Variants in VPS37A observed in about 807,000 individuals in gnomAD.
The protein encoded by VPS37A is vacuolar protein sorting-associated protein 37A.
VPS37A carries 30 observed loss-of-function variants against 49.8 expected under a neutral mutation model. The ratio of observed to expected loss-of-function variants is 0.60; its 90% CI spans 0.45 to 0.82. The LOEUF (loss-of-function observed/expected upper bound fraction) is 0.82, where lower values mean the gene tolerates loss of function less well. Among genes scored for constraint, VPS37A ranks in the 40% least tolerant of loss-of-function variants. VPS37A has a pLI of 0.00. For synonymous variants in VPS37A, 195 were observed against 160.6 expected (o/e 1.21, Z -1.62); for missense variants, 593 against 464.4 (o/e 1.28, Z -2.55).
intron 1 of VPS37A, among the ~76,000 whole-genome samples, chr8:17,256,579 C>T (rs945286445): frequency 2.0e-5 from 3 of 151,570 alleles, no homozygotes; most frequent in Non-Finnish European, 4.4e-5. Flanking sequence ...AGTTTTCTCC[C>T]GTTTTTTGGG....
chr8:17,247,617 CAT>C (rs1811409968), intron 1 of VPS37A: 1 of 706,424 alleles, frequency 1.4e-6, no homozygotes. Flanking sequence ...CCTCCTGACA[CAT>C]AGCTGCTGAC....
chr8:17,311,880 A>C, the VPS37A span: 1 of 502,942 alleles, frequency 2.0e-6, no homozygotes, highest in Non-Finnish European at 3.6e-6. Context: ...CAATAAGCGC[A>C]TGTACTTACT....
intron 1 of VPS37A, among the ~76,000 whole-genome samples, chr8:17,257,103 G>A (rs1233451965): frequency 6.6e-6 from 1 of 152,144 alleles, no homozygotes; most frequent in Non-Finnish European, 1.5e-5. Flanking sequence ...TGATTTTTGT[G>A]TATGGTAAGA....
At chr8:17,293,081 G>A (rs532101795) in intron 11 of VPS37A, among the ~76,000 whole-genome samples, 67 of 152,152 alleles carry the variant, frequency 4.4e-4, no homozygotes, top group African/African-American at 1.6e-3. Flanking sequence ...TCACTTTCAG[G>A]TACACCAATC....
downstream of VPS37A, among the ~76,000 whole-genome samples, chr8:17,302,743 G>A (rs911814121): frequency 7.9e-5 from 9 of 113,720 alleles, no homozygotes; most frequent in African/African-American, 1.8e-4. Context: ...GCAGAGTTTC[G>A]CTCTTGTCAC....
chr8:17,263,118 A>G (rs1431013442), intron 1 of VPS37A, among the ~76,000 whole-genome samples: 1 of 152,098 alleles, frequency 6.6e-6, no homozygotes, highest in East Asian at 1.9e-4. Context: ...AGATAATCAC[A>G]ATTGAGTGAG....
At chr8:17,275,292 A>G (rs1220139944) in intron 5 of VPS37A, among the ~76,000 whole-genome samples, 3 of 152,172 alleles carry the variant, frequency 2.0e-5, no homozygotes, top group Non-Finnish European at 4.4e-5. Context: ...CCTCAAATAT[A>G]CTGATGAATA....
At chr8:17,265,518 C>T (rs1813366546) in intron 1 of VPS37A, among the ~76,000 whole-genome samples, 1 of 152,306 alleles carries the variant, frequency 6.6e-6, no homozygotes. Context: ...CCCAGACTTC[C>T]CCAGCTGCCG....
chr8:17,289,263 A>G (rs183447315), intron 11 of VPS37A, among the ~76,000 whole-genome samples: 1 of 151,994 alleles, frequency 6.6e-6, no homozygotes, highest in Non-Finnish European at 1.5e-5. Context: ...TGTGTTTTAG[A>G]CATGAAGTCT....
intron 11 of VPS37A, among the ~76,000 whole-genome samples, chr8:17,291,947 T>C (rs113156149): frequency 0.03 from 4,575 of 152,282 alleles, 245 homozygotes; most frequent in African/African-American, 0.1. Context: ...AGGTATATTC[T>C]GTTGATTATG....
intron 1 of VPS37A, among the ~76,000 whole-genome samples, chr8:17,254,185 TTAC>T (rs1812224555): frequency 6.6e-6 from 1 of 152,196 alleles, no homozygotes; most frequent in Non-Finnish European, 1.5e-5. Context: ...TTGTGAATAC[TTAC>T]TGTTTGCCAT....
chr8:17,251,389 G>A (rs915315260), intron 1 of VPS37A, among the ~76,000 whole-genome samples: 17 of 152,188 alleles, frequency 1.1e-4, no homozygotes, highest in African/African-American at 3.9e-4. Flanking sequence ...TGTCATGCAG[G>A]ATTTTTGATA....
downstream of VPS37A, chr8:17,300,169 T>G (rs142161778): frequency 6.2e-7 from 1 of 1,614,020 alleles, no homozygotes; most frequent in African/African-American, 1.3e-5. Context: ...GGGCTCACTT[T>G]GCTTACTCTT....
At chr8:17,261,293 C>T (rs1433076065) in intron 1 of VPS37A, among the ~76,000 whole-genome samples, 2 of 152,166 alleles carry the variant, frequency 1.3e-5, no homozygotes, top group African/African-American at 2.4e-5. Context: ...AAACATATTT[C>T]TCAGTTCCAA....
intron 11 of VPS37A, among the ~76,000 whole-genome samples, chr8:17,287,525 A>C (rs1815720865): frequency 1.3e-5 from 2 of 151,974 alleles, no homozygotes; most frequent in African/African-American, 4.8e-5. Flanking sequence ...ATACAAAAAA[A>C]ATATTAGCCG....
chr8:17,300,089 T>C, downstream of VPS37A: 2 of 1,614,188 alleles, frequency 1.2e-6, no homozygotes, highest in South Asian at 1.1e-5. Context: ...AATGATTTCA[T>C]ATTCCCACTG....
chr8:17,251,696 C>T (rs535840314), intron 1 of VPS37A, among the ~76,000 whole-genome samples: 2 of 152,326 alleles, frequency 1.3e-5, no homozygotes, highest in African/African-American at 4.8e-5. Context: ...TTATCTTGCA[C>T]ACAGGAGATG....
At position 17,263,431 on chromosome 8, in the gene VPS37A, T is replaced by C. The variant is rs558160996; in HGVS notation, c.126-2476T>C. ...AAATGCATTTCTAGATTGCCATGAT[T>C]AACTTGTTTTGGAATTTGTTGATGG... On this transcript the variant is annotated intron_variant, in intron 1 of 11. Coordinates refer to ENST00000324849, the MANE Select transcript of VPS37A (RefSeq NM_152415.3). 8.5e-5 allele frequency among the ~76,000 whole-genome samples: 13 copies of C among 152,322 alleles called. No homozygotes were observed. In the East Asian group the frequency reaches 2.5e-3, roughly 29 times the overall value.
chr8:17,300,888 T>C (rs1414600029), downstream of VPS37A, among the ~76,000 whole-genome samples: 1 of 152,238 alleles, frequency 6.6e-6, no homozygotes, highest in Non-Finnish European at 1.5e-5. Context: ...GATTTTTGTA[T>C]CTGGCTTCCT....
Sources: allele counts gnomAD v4.1 joint callset (sites outside exome capture counted in the v4.1 genomes callset), GRCh38; gene constraint gnomAD v4.1.1; transcripts MANE v1.5; gene names NCBI Gene and HGNC (gene_info 2026-07-23, HGNC 2026-07-21).